RAG1: variants seen among roughly 807,000 people sequenced by gnomAD.
RAG1 encodes the protein recombination activating 1.
A neutral mutation model predicts 62.7 loss-of-function variants in RAG1; 35 were observed. The observed-to-expected ratio is 0.56, with a 90% CI of 0.43 to 0.74. The LOEUF is 0.74. Among genes scored for constraint, RAG1 ranks in the 30% least tolerant of loss-of-function variants. The pLI, the probability that RAG1 is intolerant of heterozygous loss-of-function variation, is 0.00. For missense variants in RAG1, 1,169 were observed against 1,278.6 expected, an observed-to-expected ratio of 0.91 and a Z score of 1.31; for synonymous variants, 461 against 470.3, an observed-to-expected ratio of 0.98 and a Z score of 0.26.
At chr11:36,532,142 T>C (rs1270106173) in intron 2 of RAG1, among the ~76,000 whole-genome samples, 1 of 152,034 alleles carries the variant, frequency 6.6e-6, no homozygotes, top group East Asian at 1.9e-4. Flanking sequence ...GAATTTTCTT[T>C]CAATATATTA....
intron 1 of RAG1, among the ~76,000 whole-genome samples, chr11:36,512,791 C>T (rs1239019509): frequency 6.6e-6 from 1 of 152,188 alleles, no homozygotes; most frequent in Non-Finnish European, 1.5e-5. Flanking sequence ...TTTGCCTTTA[C>T]TTTTAATGGA....
At chr11:36,540,283 C>G (rs892766802), downstream of RAG1, among the ~76,000 whole-genome samples, 21 of 152,200 alleles carry the variant, frequency 1.4e-4, no homozygotes, top group African/African-American at 4.6e-4. Flanking sequence ...CCTGCTACAG[C>G]TCTAAGATTA....
rs1379563481 is a variant in RAG1 at position 36,574,729 on chromosome 11, C to T, written c.1425C>T (p.Val475=). The change falls in exon 2 of 2, where the codon GTC becomes GTT. Residue 475 remains valine, a synonymous_variant. Transcript: ENST00000299440. ...CAGCTGTTTGCTTGGCCATCCGTGT[C>T]AACACCTTCCTCAGCTGCAGTCAGT... ...LQPAVCLAIR[V]NTFLSCSQYH... 3 of 1,614,098 alleles carry T rather than the reference C, an allele frequency of 1.9e-6. No individual in the cohort carries two copies. Among genetic ancestry groups the T allele is most frequent in the East Asian group, 2.2e-5 (1 of 44,888 alleles).
chr11:36,515,475 C>T (rs974829995), intron 1 of RAG1: 1 of 152,020 alleles, frequency 6.6e-6, no homozygotes, highest in Non-Finnish European at 1.5e-5. Flanking sequence ...TTAATGAAGC[C>T]AAAGAAGCAC....
In RAG1 at chr11:36,578,933, TG is replaced by T. The variant is rs1197694028; in HGVS notation, c.*2498del. 1.8e-5 allele frequency: 3 copies of T among 167,108 alleles called. No individual in the cohort carries two copies. Among genetic ancestry groups the T allele is most frequent in the Non-Finnish European group, 2.9e-5 (2 of 68,140 alleles). The allele number at this position is 167,108 out of a possible 1,614,324, so 10.4% of individuals were successfully genotyped here. A position where few individuals can be genotyped will look rare whatever the true frequency, so the allele number is the denominator to read the frequency against. On this transcript the variant is annotated 3_prime_UTR_variant, in exon 2 of 2. Coordinates refer to ENST00000299440, the MANE Select transcript of RAG1 (RefSeq NM_000448.3). ...TCAGAAGTGCAATGTATTTTTCTCC[TG>T]TGAAACCTGAATCTACAAGTTTTCC...
upstream of RAG1, chr11:36,566,005 A>AT (rs1258292494): frequency 6.6e-6 from 1 of 152,158 alleles, no homozygotes; most frequent in Non-Finnish European, 1.5e-5. Context: ...AAATATTGTG[A>AT]TTTTTCCTAA....
intron 2 of RAG1, chr11:36,535,876 GCTATAT>G (rs1259545137): frequency 6.6e-6 from 1 of 151,932 alleles, no homozygotes; most frequent in Non-Finnish European, 1.5e-5. Context: ...ATATTTCAAT[GCTATAT>G]CATTAACCCA....
chr11:36,541,553 A>G (rs1434623539), intron 3 of RAG1, among the ~76,000 whole-genome samples: 2 of 152,266 alleles, frequency 1.3e-5, no homozygotes, highest in East Asian at 1.9e-4. Context: ...TAATGTATAC[A>G]GTGGTCCATA....
Position 36,575,228 on chromosome 11 carries a change from A to G in RAG1, c.1924A>G (p.Lys642Glu). ...TATTGCCCACAGCTCTCAGAATGTG[A>G]AAGTATTTGAAGAAGCCAAACCTAA... ...ITIAHSSQNV[K>E]VFEEAKPNSE... Residue 642 changes from lysine (K) to glutamate (E), a missense_variant, in exon 2 of 2, where the codon AAA becomes GAA. By Grantham distance (56) the Lys-to-Glu change is moderately conservative (BLOSUM62 1). Coordinates refer to ENST00000299440, the MANE Select transcript of RAG1 (RefSeq NM_000448.3). The surrounding 1 kb of genome is among the most constrained non-coding windows in gnomAD (Gnocchi z 4.1). The G allele has an allele frequency of 6.2e-7, 1 of 1,614,214 alleles. No individual in the cohort carries two copies. The highest frequency in any genetic ancestry group is 1.6e-4 in the Middle Eastern group (1 of 6,062).
At position 36,576,653 on chromosome 11, in the gene RAG1, A is replaced by T. The variant is rs1324206138; in HGVS notation, c.*217A>T. ...GTGAGTTCCGAAAAGCAACAGGAAA[A>T]ATCAGTTATCTGAAAGCTCAGTAAC... On this transcript the variant is annotated 3_prime_UTR_variant, in exon 2 of 2. Coordinates refer to ENST00000299440, the MANE Select transcript of RAG1 (RefSeq NM_000448.3). 5.0e-6 allele frequency: 3 copies of T among 600,982 alleles called. No homozygotes were observed. The African/African-American group carries it at 5.6e-5, about 11-fold the overall frequency. The allele number at this position is 600,982 out of a possible 1,614,324, so 37.2% of individuals were successfully genotyped here.
intron 3 of RAG1, among the ~76,000 whole-genome samples, chr11:36,549,943 G>C (rs1377733669): frequency 2.0e-5 from 3 of 152,064 alleles, no homozygotes; most frequent in Admixed American, 2.0e-4. Context: ...CCACAGAAAA[G>C]GATGAGTTCA....
At chr11:36,517,736 C>T (rs1860015418) in intron 1 of RAG1, among the ~76,000 whole-genome samples, 1 of 152,220 alleles carries the variant, frequency 6.6e-6, no homozygotes, top group South Asian at 2.1e-4. Context: ...CAAAAAGTCA[C>T]TTTCATCCCA....
chr11:36,568,873 G>A (rs1302870327), intron 1 of RAG1, among the ~76,000 whole-genome samples: 2 of 152,168 alleles, frequency 1.3e-5, no homozygotes, highest in African/African-American at 4.8e-5. Flanking sequence ...TTATTTTGTG[G>A]ATACTTGAGA....
intron 2 of RAG1, among the ~76,000 whole-genome samples, chr11:36,533,311 G>A (rs1388867440): frequency 1.3e-5 from 2 of 152,156 alleles, no homozygotes; most frequent in African/African-American, 2.4e-5. Flanking sequence ...TGAGCCTTGC[G>A]AGATCAGCTT....
Position 36,576,351 on chromosome 11 carries a change from G to A in RAG1, c.3047G>A (p.Gly1016Glu). The A allele has an allele frequency of 9.9e-6, 16 of 1,614,082 alleles. No individual in the cohort carries two copies. Among genetic ancestry groups the A allele is most frequent in the Non-Finnish European group, 1.4e-5 (16 of 1,180,016 alleles). The change falls in exon 2 of 2, where the codon GGG becomes GAG. Residue 1016 changes from glycine (G) to glutamate (E), a missense_variant. Gly to Glu is a moderately conservative substitution (Grantham distance 98, BLOSUM62 -2). This residue lies in a region of RAG1 where 800 missense variants were observed against 943.3 expected (regional missense o/e 0.85). Coordinates refer to ENST00000299440, the MANE Select transcript of RAG1 (RefSeq NM_000448.3). The stretch of plus-strand genomic sequence containing the variant: ...GCTCATAATGCATTAAAAACCTCTG[G>A]GTTTACCATGAACCCTCAGGCAAGC... Reference protein sequence around the residue: ...MNAHNALKTSGFTMNPQASLG... With the variant: ...MNAHNALKTSEFTMNPQASLG...
chr11:36,536,624 TAA>T (rs1860331428), downstream of RAG1, among the ~76,000 whole-genome samples: 1 of 18,800 alleles, frequency 5.3e-5, no homozygotes, highest in African/African-American at 1.0e-4. Context: ...CAAAGTTTTT[TAA>T]AAGACAAATA....
chr11:36,516,306 T>A (rs919729727), intron 1 of RAG1, among the ~76,000 whole-genome samples: 1 of 152,210 alleles, frequency 6.6e-6, no homozygotes, highest in Non-Finnish European at 1.5e-5. Flanking sequence ...AAATCACTGT[T>A]GTGTTTTTTG....
intron 1 of RAG1, among the ~76,000 whole-genome samples, chr11:36,519,125 T>G (rs533154462): frequency 6.6e-6 from 1 of 152,262 alleles, no homozygotes; most frequent in Admixed American, 6.5e-5. Context: ...GGTGGTAATT[T>G]TTTCTTAAGG....
chr11:36,534,421 G>A (rs564667578), intron 2 of RAG1, among the ~76,000 whole-genome samples: 2 of 152,284 alleles, frequency 1.3e-5, no homozygotes, highest in Admixed American at 1.3e-4. Flanking sequence ...CCATGGGAAG[G>A]CTGTACTGTC....
Sources: gnomAD v4.1 joint callset for allele counts (sites outside exome capture counted in the v4.1 genomes callset) on GRCh38, gnomAD v4.1.1 for gene constraint, gnomAD v4.1.1 regional missense constraint, Gnocchi (gnomAD v3.1) non-coding constraint, MANE v1.5 for transcripts, NCBI Gene and HGNC (gene_info 2026-07-23, HGNC 2026-07-21) for gene names.